Variants in MIPOL1 observed in about 807,000 individuals in gnomAD.
The protein encoded by MIPOL1 is mirror-image polydactyly gene 1 protein.
In MIPOL1, 57 loss-of-function variants were observed where a neutral mutation model predicts 60.9. That is an observed-to-expected ratio of 0.94 (90% CI 0.76 to 1.17). MIPOL1 has a LOEUF of 1.17. MIPOL1 is among the 50% of genes most tolerant of loss of function. The probability of loss-of-function intolerance (pLI) is 0.00; values close to 1 mark genes in which losing one functional copy is unlikely to be tolerated. For synonymous variants in MIPOL1, 179 were observed against 168.8 expected (o/e 1.06, Z -0.47); for missense variants, 551 against 511.6 (o/e 1.08, Z -0.74).
intron 11 of MIPOL1, among the ~76,000 whole-genome samples, chr14:37,459,829 C>T (rs1432185792): frequency 6.6e-6 from 1 of 152,124 alleles, no homozygotes; most frequent in Non-Finnish European, 1.5e-5. Flanking sequence ...AATCCCAGCA[C>T]TTTAGGAGGC....
chr14:37,304,470 CTT>C (rs1449270319), intron 7 of MIPOL1, among the ~76,000 whole-genome samples: 3 of 151,710 alleles, frequency 2.0e-5, no homozygotes, highest in Non-Finnish European at 4.4e-5. Flanking sequence ...TTTTCAGTCT[CTT>C]TGCTATTGTT....
intron 1 of MIPOL1, among the ~76,000 whole-genome samples, chr14:37,238,591 G>T (rs1971847492): frequency 6.6e-6 from 1 of 152,096 alleles, no homozygotes; most frequent in Admixed American, 6.5e-5. Context: ...CAGCCATTTT[G>T]CAGGTAGTAA....
chr14:37,286,304 T>C (rs923099103), intron 7 of MIPOL1, among the ~76,000 whole-genome samples: 3 of 152,192 alleles, frequency 2.0e-5, no homozygotes, highest in African/African-American at 7.2e-5. Context: ...CCTAGAAATA[T>C]GTACTTTTCA....
At chr14:37,351,058 CT>C (rs1474944634) in intron 9 of MIPOL1, among the ~76,000 whole-genome samples, 8,343 of 23,446 alleles carry the variant, frequency 0.36, 903 homozygotes, top group East Asian at 0.53. Context: ...TCCCTCCCCC[CT>C]CCCCCCACCC....
chr14:37,302,943 C>G (rs1278155669), intron 7 of MIPOL1, among the ~76,000 whole-genome samples: 2 of 151,714 alleles, frequency 1.3e-5, no homozygotes, highest in Admixed American at 6.6e-5. Flanking sequence ...GTCATTAAAA[C>G]TTTAGAACTC....
At chr14:37,265,471 T>G (rs773871277) in intron 3 of MIPOL1, among the ~76,000 whole-genome samples, 6 of 152,180 alleles carry the variant, frequency 3.9e-5, no homozygotes, top group Non-Finnish European at 8.8e-5. Flanking sequence ...TACCACACTG[T>G]AAGTTTTCAA....
chr14:37,282,355 C>G (rs2084183026), intron 6 of MIPOL1, among the ~76,000 whole-genome samples: 1 of 151,844 alleles, frequency 6.6e-6, no homozygotes, highest in African/African-American at 2.4e-5. Context: ...GATCTCCTGC[C>G]TCAGCCACCT....
intron 3 of MIPOL1, among the ~76,000 whole-genome samples, chr14:37,257,190 A>C (rs1260909191): frequency 6.6e-6 from 1 of 151,020 alleles, no homozygotes; most frequent in Non-Finnish European, 1.5e-5. Flanking sequence ...AAGTTATGTA[A>C]TGATGCCATA....
At chr14:37,386,862 C>A (rs570815042) in intron 10 of MIPOL1, among the ~76,000 whole-genome samples, 1 of 152,008 alleles carries the variant, frequency 6.6e-6, no homozygotes, top group Admixed American at 6.6e-5. Context: ...ATCGTTCATA[C>A]TCCATAATGG....
chr14:37,295,837 C>A (rs951916751), intron 7 of MIPOL1, among the ~76,000 whole-genome samples: 17 of 151,916 alleles, frequency 1.1e-4, no homozygotes, highest in Non-Finnish European at 1.8e-4. Flanking sequence ...TGACTTAGAC[C>A]CCCACACAGT....
At chr14:37,291,501 C>T (rs530942661) in intron 7 of MIPOL1, among the ~76,000 whole-genome samples, 17 of 151,838 alleles carry the variant, frequency 1.1e-4, no homozygotes, top group Non-Finnish European at 2.4e-4. Flanking sequence ...TTTCTCTTTT[C>T]ACTTTATTGT....
At chr14:37,211,799 G>A (rs1386401092) in intron 1 of MIPOL1, among the ~76,000 whole-genome samples, 1 of 151,938 alleles carries the variant, frequency 6.6e-6, no homozygotes, top group Non-Finnish European at 1.5e-5. Context: ...GTAGCTCCCA[G>A]TTCCAAAAGA....
At chr14:37,539,099 G>T (rs529002352) in intron 12 of MIPOL1, among the ~76,000 whole-genome samples, 2 of 152,110 alleles carry the variant, frequency 1.3e-5, no homozygotes, top group African/African-American at 4.8e-5. Flanking sequence ...CTACTCGGGA[G>T]GCTGAGGCAG....
At chr14:37,208,983 A>T (rs1242166514) in intron 1 of MIPOL1, among the ~76,000 whole-genome samples, 1 of 152,228 alleles carries the variant, frequency 6.6e-6, no homozygotes, top group Non-Finnish European at 1.5e-5. Context: ...TGAGTAATTC[A>T]CTAAATATTG....
intron 11 of MIPOL1, among the ~76,000 whole-genome samples, chr14:37,432,501 T>A (rs1196757255): frequency 6.6e-6 from 1 of 152,220 alleles, no homozygotes; most frequent in East Asian, 1.9e-4. Flanking sequence ...TGAATGATTT[T>A]AGATGACATG....
At chr14:37,203,976 G>A (rs1439571272) in intron 1 of MIPOL1, among the ~76,000 whole-genome samples, 1 of 151,942 alleles carries the variant, frequency 6.6e-6, no homozygotes, top group Non-Finnish European at 1.5e-5. Flanking sequence ...TAGCGACAGG[G>A]TTTCACCACG....
chr14:37,231,781 T>G (rs1479960267), intron 1 of MIPOL1, among the ~76,000 whole-genome samples: 1 of 152,026 alleles, frequency 6.6e-6, no homozygotes, highest in Non-Finnish European at 1.5e-5. Context: ...GTGAGAAAAC[T>G]GAATAAAAGC....
At chr14:37,353,915 G>C (rs1228394121) in intron 9 of MIPOL1, among the ~76,000 whole-genome samples, 3 of 151,742 alleles carry the variant, frequency 2.0e-5, no homozygotes, top group African/African-American at 7.3e-5. Flanking sequence ...CTTCAGTTCT[G>C]CTCTGATTTT....
intron 9 of MIPOL1, among the ~76,000 whole-genome samples, chr14:37,367,868 A>C (rs1411859606): frequency 6.6e-6 from 1 of 152,078 alleles, no homozygotes; most frequent in Non-Finnish European, 1.5e-5. Context: ...CTCGGGTCAT[A>C]ATTTGTGTCC....
Sources: gnomAD v4.1 joint callset for allele counts (sites outside exome capture counted in the v4.1 genomes callset) on GRCh38, gnomAD v4.1.1 for gene constraint, MANE v1.5 for transcripts, NCBI Gene and HGNC (gene_info 2026-07-23, HGNC 2026-07-21) for gene names.